SPATA1: variants seen among roughly 807,000 people sequenced by gnomAD.
SPATA1 encodes the protein spermatogenesis associated 1.
Under a neutral mutation model 59.6 loss-of-function variants are expected in SPATA1, and 57 were observed. The ratio of observed to expected loss-of-function variants is 0.96; its 90% CI spans 0.77 to 1.19. SPATA1 has a LOEUF of 1.19. Among genes scored for constraint, SPATA1 ranks in the 50% most tolerant of loss-of-function variants. SPATA1 has a pLI of 0.00. For synonymous variants in SPATA1, 147 were observed against 163.9 expected, an observed-to-expected ratio of 0.90 and a Z score of 0.79; for missense variants, 448 against 480.7, an observed-to-expected ratio of 0.93 and a Z score of 0.64.
chr1:84,560,964 A>G (rs1684585341), intron 4 of SPATA1, among the ~76,000 whole-genome samples: 1 of 152,208 alleles, frequency 6.6e-6, no homozygotes. Context: ...CACAAGATGA[A>G]TGTTATTTTC....
chr1:84,545,877 T>TAGA lies in SPATA1; in HGVS notation c.946+119_946+120insGAA, dbSNP rs1408169065. On this transcript the variant is annotated intron_variant, in intron 10 of 12. Coordinates refer to ENST00000490879, the Ensembl canonical transcript of SPATA1. ...TATTTACTGTTTTACTATTTTAGTTTAAGTGGTACATGATTAAGTTCAATA... is the reference window on the plus strand; with the variant it reads ...TATTTACTGTTTTACTATTTTAGTTTAGAAAGTGGTACATGATTAAGTTCAATA... 2.9e-5 allele frequency: 22 copies of TAGA among 747,332 alleles called. No homozygotes were observed. In the African/African-American group the frequency reaches 3.9e-4, roughly 13 times the overall value. The allele number at this position is 747,332 out of a possible 1,614,324, so 46.3% of individuals were successfully genotyped here.
intron 9 of SPATA1, among the ~76,000 whole-genome samples, chr1:84,545,239 A>T (rs1264965384): frequency 6.7e-6 from 1 of 148,518 alleles, no homozygotes; most frequent in Non-Finnish European, 1.5e-5. Context: ...ATATATTTAT[A>T]TATCATATAT....
intron 6 of SPATA1, among the ~76,000 whole-genome samples, chr1:84,529,298 A>C (rs1683361811): frequency 6.6e-6 from 1 of 151,948 alleles, no homozygotes; most frequent in Non-Finnish European, 1.5e-5. Flanking sequence ...GTTTTTAAAA[A>C]TTTTTATAAA....
chr1:84,529,125 A>G (rs1683355004), intron 6 of SPATA1, among the ~76,000 whole-genome samples: 1 of 152,086 alleles, frequency 6.6e-6, no homozygotes, highest in Non-Finnish European at 1.5e-5. Flanking sequence ...TTCCCATTCA[A>G]TATTATTATT....
chr1:84,566,056 T>A, exon 5 of SPATA1: 4 of 1,203,250 alleles, frequency 3.3e-6, no homozygotes, highest in Non-Finnish European at 4.4e-6. Flanking sequence ...TGATCACGTG[T>A]GCATATTACG....
chr1:84,524,449 G>A (rs1683140624), intron 4 of SPATA1, among the ~76,000 whole-genome samples: 1 of 152,174 alleles, frequency 6.6e-6, no homozygotes, highest in South Asian at 2.1e-4. Context: ...GGGCCTCACT[G>A]AGAAGGATGG....
intron 1 of SPATA1, among the ~76,000 whole-genome samples, chr1:84,511,675 C>CTTT (rs1682560932): frequency 5.6e-5 from 4 of 71,014 alleles, no homozygotes; most frequent in African/African-American, 6.3e-5. Flanking sequence ...TTTTTTCTTT[C>CTTT]TTTCTTTTTT....
chr1:84,542,868 C>T (rs1683956673), intron 8 of SPATA1, among the ~76,000 whole-genome samples: 1 of 152,066 alleles, frequency 6.6e-6, no homozygotes, highest in African/African-American at 2.4e-5. Context: ...AGTACTCTGC[C>T]CTTTATCTGT....
chr1:84,518,668 C>T (rs971434399), intron 2 of SPATA1, among the ~76,000 whole-genome samples: 2 of 151,946 alleles, frequency 1.3e-5, no homozygotes, highest in Non-Finnish European at 2.9e-5. Flanking sequence ...CCTACTCTCT[C>T]TGCTTCAATC....
chr1:84,520,954 G>A (rs970466985), intron 3 of SPATA1, among the ~76,000 whole-genome samples: 2 of 151,788 alleles, frequency 1.3e-5, no homozygotes, highest in Admixed American at 6.6e-5. Context: ...TATACACAAA[G>A]TGAATTAAGA....
chr1:84,509,722 C>T (rs151211155), intron 1 of SPATA1, among the ~76,000 whole-genome samples: 2,659 of 152,282 alleles, frequency 0.017, 34 homozygotes, highest in Middle Eastern at 0.038. Context: ...GCGGAGATCA[C>T]GCCATTGCAC....
intron 2 of SPATA1, among the ~76,000 whole-genome samples, chr1:84,518,140 T>C (rs910514037): frequency 2.0e-5 from 3 of 152,106 alleles, no homozygotes; most frequent in African/African-American, 4.8e-5. Context: ...CCCAATATCT[T>C]TTAAAAAGTC....
intron 3 of SPATA1, 133 bp downstream of exon 3, chr1:84,520,824 T>C: frequency 1.5e-6 from 1 of 649,248 alleles, no homozygotes; most frequent in Non-Finnish European, 2.6e-6. Context: ...ATTTCCTGAC[T>C]TAATGAATAC....
At chr1:84,560,774 T>C (rs1303521923) in intron 4 of SPATA1, among the ~76,000 whole-genome samples, 1 of 152,166 alleles carries the variant, frequency 6.6e-6, no homozygotes, top group East Asian at 1.9e-4. Context: ...TTAAGAATTA[T>C]GCTAAATTGA....
intron 2 of SPATA1, among the ~76,000 whole-genome samples, chr1:84,517,377 C>T (rs962307710): frequency 5.3e-5 from 8 of 152,100 alleles, no homozygotes; most frequent in Non-Finnish European, 1.5e-5. Context: ...GATTTAAATA[C>T]CAACTTTATG....
exon 5 of SPATA1, chr1:84,565,911 A>G (rs773373898): frequency 2.1e-5 from 34 of 1,601,736 alleles, no homozygotes; most frequent in Non-Finnish European, 2.6e-5. Flanking sequence ...TTTGTTCATC[A>G]TAAGACATCA....
In SPATA1 at chr1:84,522,388, A is replaced by T; in HGVS notation, c.144-2A>T. ...TTATAAGGCAATTTTATAATATTTCAGAGTATCTCCTCAACTTACTTTACG... is the reference window on the plus strand; with the variant it reads ...TTATAAGGCAATTTTATAATATTTCTGAGTATCTCCTCAACTTACTTTACG... On this transcript the variant is annotated splice_acceptor_variant, in intron 3 of 12. Transcript: ENST00000490879. LOFTEE classifies it high-confidence loss of function. The T allele has an allele frequency of 7.0e-7, 1 of 1,434,566 alleles. No homozygotes were observed. Among genetic ancestry groups the T allele is most frequent in the Non-Finnish European group, 9.3e-7 (1 of 1,079,548 alleles). 88.9% of individuals were successfully genotyped at this position (1,434,566 alleles called of 1,614,324 possible). A position where few individuals can be genotyped will look rare whatever the true frequency, so the allele number is the denominator to read the frequency against.
At position 84,549,046 on chromosome 1, in the gene SPATA1, T is replaced by G. The variant is rs1026112722; in HGVS notation, c.1125+82T>G. On this transcript the variant is annotated intron_variant, in intron 11 of 12. Coordinates refer to ENST00000490879, the Ensembl canonical transcript of SPATA1. ...TATAAGTGCTAGTAGTATCACAAGATGCATTAGGCTAACTTTGACTTAAAC... is the reference window on the plus strand; with the variant it reads ...TATAAGTGCTAGTAGTATCACAAGAGGCATTAGGCTAACTTTGACTTAAAC... 4 of 1,292,226 alleles carry G rather than the reference T, an allele frequency of 3.1e-6. No homozygotes were observed. The East Asian group carries it at 1.1e-4, about 36-fold the overall frequency. 80.0% of individuals were successfully genotyped at this position (1,292,226 alleles called of 1,614,324 possible). A position where few individuals can be genotyped will look rare whatever the true frequency, so the allele number is the denominator to read the frequency against.
At chr1:84,521,432 C>G (rs910652002) in intron 3 of SPATA1, among the ~76,000 whole-genome samples, 1 of 152,200 alleles carries the variant, frequency 6.6e-6, no homozygotes, top group Admixed American at 6.5e-5. Context: ...TCAACCACAT[C>G]AGCCTCCTTT....
Sources: allele counts gnomAD v4.1 joint callset (sites outside exome capture counted in the v4.1 genomes callset), GRCh38; gene constraint gnomAD v4.1.1; transcripts MANE v1.5; gene names NCBI Gene and HGNC (gene_info 2026-07-23, HGNC 2026-07-21).